Variants in XPO6 observed in about 807,000 individuals in gnomAD.
The protein encoded by XPO6 is exportin-6.
XPO6 carries 3 observed loss-of-function variants against 130.0 expected under a neutral mutation model. The ratio of observed to expected loss-of-function variants is 0.02; its 90% CI spans 0.01 to 0.06. The LOEUF (loss-of-function observed/expected upper bound fraction) is 0.06, where lower values mean the gene tolerates loss of function less well. XPO6 is among the 10% of genes least tolerant of loss of function. The pLI is 1.00. For missense variants in XPO6, 970 were observed against 1,393.0 expected, an observed-to-expected ratio of 0.70 and a Z score of 4.83; for synonymous variants, 524 against 548.9, an observed-to-expected ratio of 0.95 and a Z score of 0.63.
intron 11 of XPO6, 62 bp downstream of exon 11, chr16:28,133,779 C>A (rs1193663381): frequency 2.0e-6 from 3 of 1,517,478 alleles, no homozygotes; most frequent in Non-Finnish European, 2.7e-6. Context: ...GGGGAGTCAA[C>A]CAGCCATGCT....
chr16:28,138,838 G>A (rs551206809), intron 9 of XPO6, among the ~76,000 whole-genome samples: 3 of 152,196 alleles, frequency 2.0e-5, no homozygotes, highest in Non-Finnish European at 2.9e-5. Flanking sequence ...TGATGATGGA[G>A]AGGGAAGCCA....
intron 9 of XPO6, among the ~76,000 whole-genome samples, chr16:28,139,840 G>A (rs1176404591): frequency 6.6e-6 from 1 of 152,106 alleles, no homozygotes; most frequent in Non-Finnish European, 1.5e-5. Context: ...AATAAATGAA[G>A]CAAAAACTGA....
chr16:28,205,122 T>C (rs926834488), intron 1 of XPO6, among the ~76,000 whole-genome samples: 1 of 152,064 alleles, frequency 6.6e-6, no homozygotes, highest in Non-Finnish European at 1.5e-5. Context: ...CACTCCTTCC[T>C]GGGGTTTTGT....
intron 2 of XPO6, among the ~76,000 whole-genome samples, chr16:28,180,679 C>T (rs535549419): frequency 3.9e-5 from 6 of 151,900 alleles, no homozygotes; most frequent in Middle Eastern, 3.4e-3. Context: ...CCACCCTAGA[C>T]GCCCCCACCA....
chr16:28,104,707 G>A lies in XPO6; in HGVS notation c.2785C>T (p.Arg929Cys), dbSNP rs1359226994. 1.9e-6 allele frequency: 3 copies of A among 1,613,538 alleles called. No individual in the cohort carries two copies. The highest frequency in any genetic ancestry group is 2.5e-6 in the Non-Finnish European group (3 of 1,180,000). Residue 929 changes from arginine to cysteine, a missense_variant and splice_region_variant, in exon 21 of 24, where the codon CGT (arginine) becomes TGT (cysteine). Physicochemically the swap from Arg to Cys is radical, Grantham distance 180 (BLOSUM62 -3). Coordinates refer to ENST00000304658, the MANE Select transcript of XPO6 (RefSeq NM_015171.4). ...MEQVYPIIAE[R>C]PSPDVKAELF... The stretch of plus-strand genomic sequence containing the variant: ...TCGGCCTTCACATCAGGGGAGGGAC[G>A]CTGCAAAGACACACAGACGCTCAGA...
At chr16:28,173,756 G>A (rs2043492189) in intron 4 of XPO6, among the ~76,000 whole-genome samples, 1 of 152,214 alleles carries the variant, frequency 6.6e-6, no homozygotes, top group Admixed American at 6.5e-5. Flanking sequence ...GTGGAGAACA[G>A]TGGACAATTA....
intron 8 of XPO6, among the ~76,000 whole-genome samples, chr16:28,148,278 C>A (rs1008980656): frequency 6.6e-6 from 1 of 152,220 alleles, no homozygotes; most frequent in Non-Finnish European, 1.5e-5. Context: ...GCAGACACAC[C>A]CTGTATAACC....
At chr16:28,168,319 G>A (rs959642636) in intron 5 of XPO6, among the ~76,000 whole-genome samples, 3 of 151,894 alleles carry the variant, frequency 2.0e-5, no homozygotes, top group Non-Finnish European at 4.4e-5. Flanking sequence ...TCTATGTCTA[G>A]TAAAAATACA....
At chr16:28,119,484 C>T (rs1476803801) in intron 14 of XPO6, among the ~76,000 whole-genome samples, 1 of 152,054 alleles carries the variant, frequency 6.6e-6, no homozygotes, top group African/African-American at 2.4e-5. Flanking sequence ...TAGACAAATC[C>T]AGATTGTAGG....
At chr16:28,189,726 G>C (rs1346873941) in intron 1 of XPO6, among the ~76,000 whole-genome samples, 1 of 152,110 alleles carries the variant, frequency 6.6e-6, no homozygotes, top group Non-Finnish European at 1.5e-5. Flanking sequence ...AAGGCTTCTT[G>C]TTTTCTTGTC....
At chr16:28,098,784 C>T (rs2086588785) in intron 23 of XPO6, 145 bp from the exon 24 acceptor site, 1 of 557,666 alleles carries the variant, frequency 1.8e-6, no homozygotes, top group Non-Finnish European at 3.1e-6. Flanking sequence ...TGTTGCACTG[C>T]GTGTCACAGA....
intron 8 of XPO6, among the ~76,000 whole-genome samples, chr16:28,151,572 T>C (rs910878378): frequency 1.3e-5 from 2 of 152,156 alleles, no homozygotes; most frequent in Non-Finnish European, 2.9e-5. Context: ...GGGGAAGTGA[T>C]TGGAAAGGAC....
At chr16:28,203,027 G>A (rs968083489) in intron 1 of XPO6, among the ~76,000 whole-genome samples, 26 of 152,218 alleles carry the variant, frequency 1.7e-4, no homozygotes, top group Admixed American at 8.5e-4. Flanking sequence ...TGTAATCCTA[G>A]CACTTTGGGA....
chr16:28,102,014 G>T, intron 21 of XPO6, 69 bp from the exon 22 acceptor site: 1 of 1,367,994 alleles, frequency 7.3e-7, no homozygotes, highest in Non-Finnish European at 1.0e-6. Flanking sequence ...CCCCATGTCA[G>T]AAGAACAAGT....
At chr16:28,143,547 T>C (rs546231552) in intron 9 of XPO6, among the ~76,000 whole-genome samples, 11 of 152,370 alleles carry the variant, frequency 7.2e-5, no homozygotes, top group African/African-American at 2.2e-4. Flanking sequence ...GCTCTATTAG[T>C]ATAATGATCT....
Position 28,106,565 on chromosome 16 carries a change from C to A in XPO6, c.2498-68G>T. The A allele has an allele frequency of 7.9e-7, 1 of 1,262,642 alleles. No homozygotes were observed. 78.2% of individuals were successfully genotyped at this position (1,262,642 alleles called of 1,614,324 possible). Reference sequence around the variant, plus strand: ...TGAGAACCAGAACCCTGGGCTTCATCAACCTACTCCTGAAATCTGCACTAT... The same window carrying A: ...TGAGAACCAGAACCCTGGGCTTCATAAACCTACTCCTGAAATCTGCACTAT... On this transcript the variant is annotated intron_variant, in intron 18 of 23. Transcript: ENST00000304658. This position sits in a 1 kb window ranked among gnomAD's most constrained non-coding sequence, Gnocchi z 4.2.
chr16:28,142,482 G>T (rs568174232), intron 9 of XPO6, among the ~76,000 whole-genome samples: 7 of 152,308 alleles, frequency 4.6e-5, no homozygotes, highest in Non-Finnish European at 8.8e-5. Context: ...CCACTAAGGG[G>T]TATCTGACAG....
chr16:28,158,946 C>T (rs2043227356), intron 6 of XPO6, among the ~76,000 whole-genome samples: 1 of 152,048 alleles, frequency 6.6e-6, no homozygotes, highest in Non-Finnish European at 1.5e-5. Context: ...ACTATAACAA[C>T]AGGCCAGGAG....
chr16:28,114,538 A>C (rs552519320), intron 15 of XPO6, among the ~76,000 whole-genome samples: 1 of 152,356 alleles, frequency 6.6e-6, no homozygotes, highest in East Asian at 1.9e-4. Flanking sequence ...CAATGTACAT[A>C]TCTTAGTTAA....
Sources: gnomAD v4.1 joint callset for allele counts (sites outside exome capture counted in the v4.1 genomes callset) on GRCh38, gnomAD v4.1.1 for gene constraint, Gnocchi (gnomAD v3.1) non-coding constraint, MANE v1.5 for transcripts, NCBI Gene and HGNC (gene_info 2026-07-23, HGNC 2026-07-21) for gene names.